MAP3K1: variants seen among roughly 807,000 people sequenced by gnomAD.
MAP3K1 encodes the protein mitogen-activated protein kinase kinase kinase 1.
In MAP3K1, 36 loss-of-function variants were observed where a neutral mutation model predicts 144.2. That is an observed-to-expected ratio of 0.25 (90% CI 0.19 to 0.33). MAP3K1 has a LOEUF of 0.33. MAP3K1 is among the 10% of genes least tolerant of loss of function. The probability of loss-of-function intolerance (pLI) is 1.00; values close to 1 mark genes in which losing one functional copy is unlikely to be tolerated. For missense variants in MAP3K1, 1,650 were observed against 1,881.9 expected, an observed-to-expected ratio of 0.88 and a Z score of 2.28; for synonymous variants, 718 against 688.7, an observed-to-expected ratio of 1.04 and a Z score of -0.67.
rs957335807 is a variant in MAP3K1, at chr5:56,865,583, G to C, written c.1152+127G>C. 6.4e-5 allele frequency: 45 copies of C among 704,450 alleles called. No individual in the cohort carries two copies. In the African/African-American group the frequency reaches 7.4e-4, roughly 12 times the overall value. 43.6% of individuals were successfully genotyped at this position (704,450 alleles called of 1,614,324 possible). On this transcript the variant is annotated intron_variant, in intron 5 of 19. Transcript: ENST00000399503. Reference sequence around the variant, plus strand: ...GTGTGAAGGTATGTAAGAATTAGTTGATGCTTATAAATAGTTCTCATGAGA... The same window carrying C: ...GTGTGAAGGTATGTAAGAATTAGTTCATGCTTATAAATAGTTCTCATGAGA...
intron 1 of MAP3K1, among the ~76,000 whole-genome samples, chr5:56,855,711 C>A (rs971541316): frequency 6.6e-6 from 1 of 152,078 alleles, no homozygotes; most frequent in African/African-American, 2.4e-5. Flanking sequence ...TTTCCTTTTC[C>A]TATCAGTGTA....
intron 1 of MAP3K1, among the ~76,000 whole-genome samples, chr5:56,826,803 G>A (rs772952007): frequency 3.9e-5 from 6 of 152,230 alleles, no homozygotes; most frequent in Non-Finnish European, 7.3e-5. Flanking sequence ...CAGTCCTGCT[G>A]TCACTCCTGA....
intron 1 of MAP3K1, among the ~76,000 whole-genome samples, chr5:56,846,755 A>C (rs889984017): frequency 6.6e-5 from 10 of 152,226 alleles, no homozygotes; most frequent in African/African-American, 2.4e-4. Context: ...TTGACCTGTC[A>C]GTGCTCATGA....
chr5:56,827,581 T>C (rs1746356551), intron 1 of MAP3K1, among the ~76,000 whole-genome samples: 2 of 152,134 alleles, frequency 1.3e-5, no homozygotes, highest in African/African-American at 4.8e-5. Context: ...AACCTGGGCC[T>C]TGCTGGGTGC....
chr5:56,876,277 C>T (rs917640818), intron 10 of MAP3K1, among the ~76,000 whole-genome samples: 5 of 151,670 alleles, frequency 3.3e-5, no homozygotes, highest in African/African-American at 9.7e-5. Flanking sequence ...CCCGATCATG[C>T]CCCCAGTTAT....
At chr5:56,869,502 T>C (rs1006009474) in intron 6 of MAP3K1, among the ~76,000 whole-genome samples, 2 of 152,174 alleles carry the variant, frequency 1.3e-5, no homozygotes, top group Admixed American at 6.5e-5. Context: ...AAAAGAATTA[T>C]GTATATGAAG....
chr5:56,869,389 G>T (rs1475460051), intron 6 of MAP3K1, among the ~76,000 whole-genome samples: 1 of 152,154 alleles, frequency 6.6e-6, no homozygotes, highest in Non-Finnish European at 1.5e-5. Context: ...ACACATAGTG[G>T]TGATGGTTGC....
chr5:56,831,004 G>A (rs763076732), intron 1 of MAP3K1, among the ~76,000 whole-genome samples: 9 of 151,710 alleles, frequency 5.9e-5, no homozygotes, highest in Non-Finnish European at 7.4e-5. Flanking sequence ...AAGTTTCTGC[G>A]TAAGGAATAT....
At chr5:56,846,867 T>G (rs1747013748) in intron 1 of MAP3K1, among the ~76,000 whole-genome samples, 1 of 152,254 alleles carries the variant, frequency 6.6e-6, no homozygotes, top group Admixed American at 6.5e-5. Flanking sequence ...GAAAGAACTT[T>G]TCTTTTTCCA....
chr5:56,846,678 G>T (rs1237814937), intron 1 of MAP3K1, among the ~76,000 whole-genome samples: 2 of 152,166 alleles, frequency 1.3e-5, no homozygotes, highest in Non-Finnish European at 2.9e-5. Flanking sequence ...ATTCTGATGT[G>T]TATTTGACTT....
At position 56,882,507 on chromosome 5, in the gene MAP3K1, A is replaced by G; in HGVS notation, c.3307A>G (p.Asn1103Asp). ...CTTTGGCTGTAGCAGCAATAGTAGT[A>G]ATGCTGTTATACCCAGTGACGAGAC... Reference protein sequence around the residue: ...DSFGCSSNSSNAVIPSDETVF... With the variant: ...DSFGCSSNSSDAVIPSDETVF... Residue 1103 changes from asparagine (N) to aspartate (D), a missense_variant, in exon 14 of 20, where the codon AAT becomes GAT. Transcript: ENST00000399503. 1 of 1,614,082 alleles carries G rather than the reference A, an allele frequency of 6.2e-7. No individual in the cohort carries two copies.
chr5:56,816,144 G>A, intron 1 of MAP3K1, 89 bp downstream of exon 1: 1 of 1,138,638 alleles, frequency 8.8e-7, no homozygotes, highest in Non-Finnish European at 1.1e-6. Flanking sequence ...CGGCGTCCCG[G>A]GGTTCAGCGC....
chr5:56,818,666 T>C (rs1440873299), intron 1 of MAP3K1, among the ~76,000 whole-genome samples: 1 of 152,188 alleles, frequency 6.6e-6, no homozygotes, highest in East Asian at 1.9e-4. Context: ...TCTTCCTATT[T>C]ACTGTCTTTG....
At position 56,816,034 on chromosome 5, in the gene MAP3K1, C is replaced by T. The variant is rs995773722; in HGVS notation, c.461C>T (p.Ser154Phe). 5.7e-6 allele frequency: 7 copies of T among 1,219,810 alleles called. No homozygotes were observed. The highest frequency in any genetic ancestry group is 6.1e-6 in the Non-Finnish European group (6 of 981,744). 75.6% of individuals were successfully genotyped at this position (1,219,810 alleles called of 1,614,324 possible). The change falls in exon 1 of 20, where the codon TCT becomes TTT. Residue 154 changes from serine to phenylalanine, a missense_variant. Ser to Phe is a radical substitution (Grantham distance 155, BLOSUM62 -2). This residue lies in a region of MAP3K1 where 360 missense variants were observed against 274.7 expected (regional missense o/e 1.31). Coordinates refer to ENST00000399503, the MANE Select transcript of MAP3K1 (RefSeq NM_005921.2). Reference sequence around the variant, plus strand: ...AAGCGGGCGCCCGCCGCCGAGCCGTCTCCTGCAGCGGCCCCCGCCGGGTGA... The same window carrying T: ...AAGCGGGCGCCCGCCGCCGAGCCGTTTCCTGCAGCGGCCCCCGCCGGGTGA... ...GEKRAPAAEP[S>F]PAAAPAGREM...
chr5:56,817,728 T>G (rs1746021791), intron 1 of MAP3K1, among the ~76,000 whole-genome samples: 1 of 152,220 alleles, frequency 6.6e-6, no homozygotes, highest in South Asian at 2.1e-4. Context: ...ACCCCAAATT[T>G]AAGAAATTGT....
intron 1 of MAP3K1, among the ~76,000 whole-genome samples, chr5:56,828,988 G>T (rs1167844479): frequency 1.3e-5 from 2 of 151,834 alleles, no homozygotes; most frequent in Non-Finnish European, 2.9e-5. Flanking sequence ...ATGTAATTTG[G>T]ATAGAGTTGA....
intron 2 of MAP3K1, among the ~76,000 whole-genome samples, chr5:56,858,573 T>C (rs1207409803): frequency 6.6e-6 from 1 of 152,238 alleles, no homozygotes; most frequent in Non-Finnish European, 1.5e-5. Context: ...GTTTTTATAC[T>C]TTAAGTAAGT....
At chr5:56,846,715 G>C (rs1747007966) in intron 1 of MAP3K1, among the ~76,000 whole-genome samples, 1 of 152,182 alleles carries the variant, frequency 6.6e-6, no homozygotes, top group South Asian at 2.1e-4. Flanking sequence ...CTCCTGGCAA[G>C]TTTTGACTTC....
chr5:56,830,013 G>T (rs1477862159), intron 1 of MAP3K1, among the ~76,000 whole-genome samples: 1 of 152,164 alleles, frequency 6.6e-6, no homozygotes, highest in Non-Finnish European at 1.5e-5. Flanking sequence ...GCATTAAAGA[G>T]AAAAGGTTTA....
Sources: allele counts gnomAD v4.1 joint callset (sites outside exome capture counted in the v4.1 genomes callset), GRCh38; gene constraint gnomAD v4.1.1; regional missense constraint gnomAD v4.1.1; transcripts MANE v1.5; gene names NCBI Gene and HGNC (gene_info 2026-07-23, HGNC 2026-07-21).